PKD1L3: variants seen among roughly 807,000 people sequenced by gnomAD.
The protein encoded by PKD1L3 is polycystin 1 like 3, transient receptor potential channel interacting, also known as polycystin-1-like protein 3.
A neutral mutation model predicts 184.1 loss-of-function variants in PKD1L3; 239 were observed. The ratio of observed to expected loss-of-function variants is 1.30; its 90% CI spans 1.17 to 1.45. PKD1L3 has a LOEUF of 1.45. Ranked by LOEUF, PKD1L3 falls within the 40% of genes most tolerant of loss-of-function variation. PKD1L3 has a pLI of 0.00. For missense variants in PKD1L3, 2,660 were observed against 2,067.2 expected (o/e 1.29, Z -5.56); for synonymous variants, 996 against 778.8 (o/e 1.28, Z -4.64).
chr16:71,980,871 C>T (rs1166037583), intron 7 of PKD1L3, among the ~76,000 whole-genome samples: 1 of 152,130 alleles, frequency 6.6e-6, no homozygotes, highest in Non-Finnish European at 1.5e-5. Flanking sequence ...TTAGCAGTCA[C>T]TCTCCATTCC....
chr16:71,989,685 A>G (rs962040639), intron 4 of PKD1L3, among the ~76,000 whole-genome samples: 4 of 152,212 alleles, frequency 2.6e-5, no homozygotes, highest in Non-Finnish European at 5.9e-5. Flanking sequence ...TTTTTGTAAG[A>G]TGCCACAAGT....
intron 2 of PKD1L3, among the ~76,000 whole-genome samples, chr16:71,995,649 T>C (rs186289438): frequency 1.3e-5 from 2 of 152,372 alleles, no homozygotes; most frequent in Admixed American, 1.3e-4. Flanking sequence ...TTGATGGGCA[T>C]GTGGATTATT....
chr16:71,934,724 C>G (rs562840146), intron 26 of PKD1L3, among the ~76,000 whole-genome samples: 1 of 152,330 alleles, frequency 6.6e-6, no homozygotes, highest in South Asian at 2.1e-4. Context: ...AAGTGGCACT[C>G]TGCACAGATC....
intron 16 of PKD1L3, 102 bp from the exon 17 acceptor site, chr16:71,954,403 A>G (rs1262315826): frequency 5.9e-6 from 5 of 841,838 alleles, no homozygotes; most frequent in Non-Finnish European, 5.4e-6. Flanking sequence ...AGCAACTCCC[A>G]AGCCTCTATT....
At chr16:71,961,944 G>A (rs2039296270) in intron 16 of PKD1L3, among the ~76,000 whole-genome samples, 1 of 152,156 alleles carries the variant, frequency 6.6e-6, no homozygotes, top group African/African-American at 2.4e-5. Context: ...GTAAGGACGT[G>A]GTGTTTGGTT....
chr16:71,957,610 C>T (rs2039096494), intron 16 of PKD1L3, among the ~76,000 whole-genome samples: 1 of 151,898 alleles, frequency 6.6e-6, no homozygotes, highest in Non-Finnish European at 1.5e-5. Flanking sequence ...CCAGCCTGGC[C>T]AACATGGTGA....
chr16:71,947,611 A>G lies in PKD1L3; in HGVS notation c.3619-20T>C, dbSNP rs1217904006. On this transcript the variant is annotated intron_variant, in intron 21 of 29. Transcript: ENST00000620267. The stretch of plus-strand genomic sequence containing the variant: ...GACCACCTGGGCAGGAGAATCACAG[A>G]ACATCGTGAGCAGACATTACAGACC... The G allele has an allele frequency of 6.9e-7, 1 of 1,459,608 alleles. No homozygotes were observed. The highest frequency in any genetic ancestry group is 9.4e-7 in the Non-Finnish European group (1 of 1,065,360). 90.4% of individuals were successfully genotyped at this position (1,459,608 alleles called of 1,614,324 possible).
At chr16:71,994,649 A>T (rs1035691677) in intron 2 of PKD1L3, among the ~76,000 whole-genome samples, 1 of 152,086 alleles carries the variant, frequency 6.6e-6, no homozygotes, top group African/African-American at 2.4e-5. Flanking sequence ...GTCCAAACTT[A>T]TCAGCTCCAA....
chr16:71,970,135 G>C (rs1225454760), intron 12 of PKD1L3, 30 bp from the exon 13 acceptor site: 2 of 1,492,852 alleles, frequency 1.3e-6, no homozygotes, highest in East Asian at 4.9e-5. Flanking sequence ...GTTGATTCTA[G>C]TCAGACAGAG....
chr16:71,985,085 C>T (rs2040305373), intron 5 of PKD1L3, among the ~76,000 whole-genome samples: 1 of 152,134 alleles, frequency 6.6e-6, no homozygotes, highest in Non-Finnish European at 1.5e-5. Context: ...CCTAATTCAA[C>T]CACATATTCA....
Position 71,954,104 on chromosome 16 carries a change from C to G in PKD1L3, c.2809+1G>C. On this transcript the variant is annotated splice_donor_variant, in intron 17 of 29. Transcript: ENST00000620267. LOFTEE classifies it high-confidence loss of function. ...CAACACACATCAGGGCTCATCCATA[C>G]TTTGCTCATCTCTCTTGGCAGTGGT... 2.0e-6 allele frequency: 3 copies of G among 1,529,712 alleles called. No homozygotes were observed. Among genetic ancestry groups the G allele is most frequent in the Admixed American group, 2.2e-5 (1 of 46,296 alleles). 94.8% of individuals were successfully genotyped at this position (1,529,712 alleles called of 1,614,324 possible).
chr16:71,955,028 T>G (rs2038991077), intron 16 of PKD1L3, among the ~76,000 whole-genome samples: 1 of 151,074 alleles, frequency 6.6e-6, no homozygotes, highest in African/African-American at 2.5e-5. Flanking sequence ...TACACATTTA[T>G]AGTAAGGAGG....
intron 29 of PKD1L3, 23 bp from the exon 30 acceptor site, chr16:71,929,701 G>A (rs1294724489): frequency 6.6e-7 from 1 of 1,506,270 alleles, no homozygotes; most frequent in South Asian, 1.3e-5. Flanking sequence ...GACAAAAAGA[G>A]AAAAGTGAGA....
chr16:71,930,325 A>G (rs2037897811), intron 28 of PKD1L3, 142 bp from the exon 29 acceptor site: 8 of 816,666 alleles, frequency 9.8e-6, no homozygotes, highest in Middle Eastern at 3.2e-4. Context: ...AAAGATAATA[A>G]GAAGGAAAAT....
intron 26 of PKD1L3, 121 bp from the exon 27 acceptor site, chr16:71,934,246 T>A: frequency 1.2e-6 from 1 of 838,970 alleles, no homozygotes. Flanking sequence ...TGCTTGTTGA[T>A]GTGAGAACTG....
chr16:71,990,751 A>T (rs2040558769), intron 3 of PKD1L3, among the ~76,000 whole-genome samples: 1 of 152,070 alleles, frequency 6.6e-6, no homozygotes, highest in East Asian at 1.9e-4. Context: ...TGCCAAAAAA[A>T]AATAAAGGTA....
intron 16 of PKD1L3, among the ~76,000 whole-genome samples, chr16:71,955,106 G>T (rs551776202): frequency 7.2e-5 from 11 of 152,272 alleles, no homozygotes; most frequent in African/African-American, 2.2e-4. Context: ...GACAAGATCT[G>T]CAATACTCCT....
chr16:71,948,670 C>A (rs1379075969), intron 21 of PKD1L3, among the ~76,000 whole-genome samples: 5 of 151,948 alleles, frequency 3.3e-5, no homozygotes, highest in Admixed American at 6.6e-5. Context: ...TATTATTTTT[C>A]TTTGCCATTA....
chr16:71,968,206 G>T (rs35800852), intron 13 of PKD1L3, among the ~76,000 whole-genome samples, 199 bp from the exon 14 acceptor site: 30,625 of 152,056 alleles, frequency 0.2, 3,802 homozygotes, highest in South Asian at 0.41. Flanking sequence ...AACCTCCAGG[G>T]CCTGTGCCTC....
Sources: allele counts gnomAD v4.1 joint callset (sites outside exome capture counted in the v4.1 genomes callset), GRCh38; gene constraint gnomAD v4.1.1; transcripts MANE v1.5; gene names NCBI Gene and HGNC (gene_info 2026-07-23, HGNC 2026-07-21).